Variants in SNX29 observed in about 807,000 individuals in gnomAD.
SNX29 encodes sorting nexin-29.
In SNX29, 78 loss-of-function variants were observed where a neutral mutation model predicts 102.1. The observed-to-expected ratio is 0.76, with a 90% confidence interval of 0.64 to 0.92. The LOEUF is 0.92. Among genes scored for constraint, SNX29 ranks in the 40% least tolerant of loss-of-function variants. The pLI is 0.00. For synonymous variants in SNX29, 580 were observed against 414.5 expected (o/e 1.40, Z -4.85); for missense variants, 1,280 against 1,061.7 (o/e 1.21, Z -2.86).
chr16:12,408,327 T>C (rs377012992), intron 18 of SNX29, among the ~76,000 whole-genome samples: 18 of 152,356 alleles, frequency 1.2e-4, no homozygotes, highest in African/African-American at 4.1e-4. Context: ...GACTTTTCCA[T>C]AGGACCTCTC....
chr16:12,178,322 T>C (rs1272509262), intron 13 of SNX29, among the ~76,000 whole-genome samples: 1 of 152,080 alleles, frequency 6.6e-6, no homozygotes, highest in Non-Finnish European at 1.5e-5. Context: ...GCGCCGGTGC[T>C]GGGAGAGGCA....
intron 14 of SNX29, among the ~76,000 whole-genome samples, chr16:12,223,831 G>A (rs1349391062): frequency 6.6e-6 from 1 of 152,184 alleles, no homozygotes; most frequent in Admixed American, 6.5e-5. Flanking sequence ...CTTACTTTTT[G>A]CCAGGCTGTT....
At chr16:12,400,262 T>C (rs2083888311) in intron 17 of SNX29, among the ~76,000 whole-genome samples, 1 of 152,230 alleles carries the variant, frequency 6.6e-6, no homozygotes, top group Admixed American at 6.5e-5. Flanking sequence ...CTCCTCTCCC[T>C]GCACCAGCCA....
intron 20 of SNX29, among the ~76,000 whole-genome samples, chr16:12,549,454 C>T (rs552691913): frequency 3.3e-5 from 5 of 151,814 alleles, no homozygotes; most frequent in African/African-American, 1.2e-4. Flanking sequence ...AAGATTGCAC[C>T]ATTGAACTCC....
rs1233639538 is a variant in SNX29, at chr16:12,554,560, A to G, written c.2319-13946A>G. ...CACGTTTTTGTGAACTTGTTCAACA[A>G]TTTCTTAAAGCTGACACCAAGACTT... On this transcript the variant is annotated intron_variant, in intron 20 of 20. Coordinates refer to ENST00000566228, the MANE Select transcript of SNX29 (RefSeq NM_032167.5). Among the ~76,000 whole-genome samples the G allele has an allele frequency of 2.6e-5, 4 of 152,090 alleles. No homozygotes were observed. The East Asian group carries it at 7.7e-4, about 29-fold the overall frequency.
chr16:12,314,431 C>G (rs926393814), intron 15 of SNX29, among the ~76,000 whole-genome samples: 8 of 152,252 alleles, frequency 5.3e-5, no homozygotes, highest in Non-Finnish European at 8.8e-5. Flanking sequence ...TCAGGCTGGA[C>G]TCTTGGCTCC....
intron 18 of SNX29, among the ~76,000 whole-genome samples, chr16:12,458,959 G>A (rs1049661237): frequency 1.3e-5 from 2 of 152,134 alleles, no homozygotes; most frequent in Non-Finnish European, 2.9e-5. Context: ...CCTTATATAA[G>A]TAAAACATTC....
rs1212782573 is a variant in SNX29 at position 12,101,301 on chromosome 16, C to CTT, written c.1402+22400_1402+22401dup. On this transcript the variant is annotated intron_variant, in intron 11 of 20. Coordinates refer to ENST00000566228, the MANE Select transcript of SNX29 (RefSeq NM_032167.5). The stretch of plus-strand genomic sequence containing the variant: ...AATGTACCTTTGTGGCCCCCCCCAA[C>CTT]TTTTTTTTTTTTTTTGCCTTGCAGA... Among the ~76,000 whole-genome samples the CTT allele has an allele frequency of 1.2e-4, 14 of 118,562 alleles. 1 individual carries two copies. The highest frequency in any genetic ancestry group is 2.5e-4 in the African/African-American group (7 of 28,334). The allele number at this position is 118,562 out of a possible 152,430, so 77.8% of individuals were successfully genotyped here.
intron 18 of SNX29, among the ~76,000 whole-genome samples, chr16:12,450,059 C>G (rs553023328): frequency 1.3e-5 from 2 of 152,200 alleles, no homozygotes; most frequent in South Asian, 4.2e-4. Flanking sequence ...AGGGAAAACC[C>G]CTTTTGCTTA....
intron 4 of SNX29, among the ~76,000 whole-genome samples, chr16:12,038,520 C>G (rs1315644015): frequency 1.3e-5 from 2 of 152,190 alleles, no homozygotes; most frequent in African/African-American, 4.8e-5. Context: ...CAAAGCAGAT[C>G]AGTGTATATC....
At chr16:12,541,441 C>G (rs1268721056) in intron 20 of SNX29, among the ~76,000 whole-genome samples, 1 of 152,170 alleles carries the variant, frequency 6.6e-6, no homozygotes, top group East Asian at 1.9e-4. Flanking sequence ...ATCAATGTCT[C>G]AAAGGACCCA....
intron 14 of SNX29, among the ~76,000 whole-genome samples, chr16:12,220,577 G>A (rs1337435655): frequency 3.3e-5 from 5 of 152,154 alleles, no homozygotes; most frequent in East Asian, 1.9e-4. Context: ...TTCCCTGCTC[G>A]TGCTGATCTC....
At chr16:12,035,864 G>A (rs569245637) in intron 4 of SNX29, among the ~76,000 whole-genome samples, 1 of 152,088 alleles carries the variant, frequency 6.6e-6, no homozygotes, top group Non-Finnish European at 1.5e-5. Flanking sequence ...GTTCTTTCCT[G>A]GTAAAAGGGG....
intron 13 of SNX29, among the ~76,000 whole-genome samples, chr16:12,196,585 T>C (rs1018541157): frequency 2.6e-5 from 4 of 152,030 alleles, no homozygotes; most frequent in Non-Finnish European, 5.9e-5. Flanking sequence ...ACAGTCCACA[T>C]TGGCAACACT....
intron 13 of SNX29, among the ~76,000 whole-genome samples, chr16:12,178,241 G>A (rs183657879): frequency 2.0e-4 from 30 of 152,246 alleles, no homozygotes; most frequent in Admixed American, 1.8e-3. Flanking sequence ...GGGCTGATGG[G>A]TTCCTCTGGG....
intron 18 of SNX29, among the ~76,000 whole-genome samples, chr16:12,425,525 G>C (rs1291628603): frequency 2.2e-5 from 2 of 89,952 alleles, no homozygotes; most frequent in Non-Finnish European, 4.2e-5. Flanking sequence ...CAAATGACCA[G>C]AGTTAAAAAA....
chr16:12,162,745 G>T (rs927493015), intron 13 of SNX29, among the ~76,000 whole-genome samples: 4 of 152,224 alleles, frequency 2.6e-5, no homozygotes, highest in African/African-American at 9.6e-5. Context: ...ACGGGGCCTG[G>T]CTCGTAGGAG....
Position 12,513,913 on chromosome 16 carries a change from G to T in SNX29, c.2179-10789G>T, listed in dbSNP as rs138785858. Among the ~76,000 whole-genome samples, 22 of 152,306 alleles carry T rather than the reference G, an allele frequency of 1.4e-4. 1 individual carries two copies. The highest frequency in any genetic ancestry group is 4.8e-4 in the African/African-American group (20 of 41,572). On this transcript the variant is annotated intron_variant, in intron 19 of 20. Transcript: ENST00000566228. ...TTTTTAAGTGGCAATAACAGGAATTGCTCTCGTCAGCTTCCCAATTAGCAA... is the reference window on the plus strand; with the variant it reads ...TTTTTAAGTGGCAATAACAGGAATTTCTCTCGTCAGCTTCCCAATTAGCAA...
chr16:12,359,761 A>G (rs999560979), intron 16 of SNX29, among the ~76,000 whole-genome samples: 49 of 152,348 alleles, frequency 3.2e-4, no homozygotes, highest in Non-Finnish European at 5.9e-4. Context: ...GCTTTCATTC[A>G]TAAATACCCA....
Sources: allele counts gnomAD v4.1 joint callset (sites outside exome capture counted in the v4.1 genomes callset), GRCh38; gene constraint gnomAD v4.1.1; transcripts MANE v1.5; gene names NCBI Gene and HGNC (gene_info 2026-07-23, HGNC 2026-07-21).